The following SLC8A3 variants were observed in gnomAD, a reference collection of about 807,000 sequenced individuals.
SLC8A3 encodes sodium/calcium exchanger 3.
In SLC8A3, 37 loss-of-function variants were observed where a neutral mutation model predicts 65.4. The observed-to-expected ratio is 0.57, with a 90% confidence interval of 0.44 to 0.74. The LOEUF (loss-of-function observed/expected upper bound fraction) is 0.74, where lower values mean the gene tolerates loss of function less well. Ranked by LOEUF, SLC8A3 falls within the 30% of genes least tolerant of loss-of-function variation. The pLI is 0.00. For synonymous variants in SLC8A3, 461 were observed against 444.5 expected, an observed-to-expected ratio of 1.04 and a Z score of -0.47; for missense variants, 1,112 against 1,172.1, an observed-to-expected ratio of 0.95 and a Z score of 0.75.
In SLC8A3 at chr14:70,127,387, G is replaced by A. The variant is rs191846466; in HGVS notation, c.1784+39252C>T. ...CCGCCCAGGTAGACTTTTTGACCCC[G>A]CCCAGGCATCTTAGCGCTTTATTGA... On this transcript the variant is annotated intron_variant, in intron 2 of 6. Transcript: ENST00000356921. Among the ~76,000 whole-genome samples the A allele has an allele frequency of 1.6e-3, 246 of 152,172 alleles. 2 individuals are homozygous for A. The highest frequency in any genetic ancestry group is 0.01 in the Middle Eastern group (3 of 294).
At chr14:70,182,185 A>G (rs1238689705) in intron 1 of SLC8A3, among the ~76,000 whole-genome samples, 1 of 152,130 alleles carries the variant, frequency 6.6e-6, no homozygotes, top group African/African-American at 2.4e-5. Flanking sequence ...TGCCATCAAG[A>G]GAAAGTGGGA....
At chr14:70,189,181 C>T (rs1357807046), upstream of SLC8A3, 2 of 152,212 alleles carry the variant, frequency 1.3e-5, no homozygotes, top group African/African-American at 4.8e-5. Flanking sequence ...TCCCGCATCC[C>T]GCATCCAGAG....
intron 2 of SLC8A3, among the ~76,000 whole-genome samples, chr14:70,091,340 C>T (rs962094779): frequency 6.6e-6 from 1 of 152,144 alleles, no homozygotes; most frequent in Non-Finnish European, 1.5e-5. Flanking sequence ...AAAACAAACT[C>T]GGCTTTTAGC....
intron 2 of SLC8A3, among the ~76,000 whole-genome samples, chr14:70,091,825 C>T (rs560870255): frequency 6.6e-6 from 1 of 152,264 alleles, no homozygotes; most frequent in South Asian, 2.1e-4. Context: ...GATTATTTTG[C>T]TCATCTCACC....
intron 2 of SLC8A3, among the ~76,000 whole-genome samples, chr14:70,101,594 G>A (rs1892557844): frequency 6.6e-6 from 1 of 152,190 alleles, no homozygotes; most frequent in Non-Finnish European, 1.5e-5. Flanking sequence ...GGCAGGAAGT[G>A]ACATGCCCCA....
chr14:70,179,357 G>A (rs1882524497), intron 1 of SLC8A3, among the ~76,000 whole-genome samples: 1 of 152,168 alleles, frequency 6.6e-6, no homozygotes, highest in South Asian at 2.1e-4. Flanking sequence ...ATACTCCATA[G>A]TAGCAGGAAT....
chr14:70,061,741 T>A (rs1041461314), intron 2 of SLC8A3, among the ~76,000 whole-genome samples: 2 of 152,196 alleles, frequency 1.3e-5, no homozygotes, highest in African/African-American at 4.8e-5. Context: ...AAGAAAATGA[T>A]GTAAATCATC....
chr14:70,176,029 A>T (rs887585667), intron 1 of SLC8A3, among the ~76,000 whole-genome samples: 2 of 152,236 alleles, frequency 1.3e-5, no homozygotes, highest in Non-Finnish European at 2.9e-5. Flanking sequence ...AAAATGCATC[A>T]TCACACTCTG....
rs1364367668 is a variant in SLC8A3, at chr14:70,046,175, C to T, written c.2538G>A (p.Gln846=). 1 of 1,614,222 alleles carries T rather than the reference C, an allele frequency of 6.2e-7. No individual in the cohort carries two copies. The highest frequency in any genetic ancestry group is 1.7e-5 in the Admixed American group (1 of 60,036). Residue 846 remains glutamine, a synonymous_variant, in exon 7 of 7, where the codon CAG becomes CAA. Coordinates refer to ENST00000356921, the MANE Select transcript of SLC8A3 (RefSeq NM_182932.3). The surrounding 1 kb of genome is among the most constrained non-coding windows in gnomAD (Gnocchi z 4.2). The part of the protein sequence containing the change: ...VAAIYWALQG[Q]EFHVSAGTLA... ...GTGTGCCGGCCGACACGTGGAACTC[C>T]TGTCCCTGCAGAGCCCAGTAGATGG...
At chr14:70,081,982 C>T (rs1442541230) in intron 2 of SLC8A3, among the ~76,000 whole-genome samples, 1 of 152,202 alleles carries the variant, frequency 6.6e-6, no homozygotes, top group Non-Finnish European at 1.5e-5. Flanking sequence ...TATGGGCAAA[C>T]ACTGTGCTTT....
intron 2 of SLC8A3, among the ~76,000 whole-genome samples, chr14:70,061,793 T>A (rs894085344): frequency 6.6e-6 from 1 of 152,312 alleles, no homozygotes; most frequent in Non-Finnish European, 1.5e-5. Flanking sequence ...TTAGGGGTGA[T>A]GTGTTCCAAA....
At chr14:70,180,666 A>T (rs1594821886) in intron 1 of SLC8A3, among the ~76,000 whole-genome samples, 1 of 152,326 alleles carries the variant, frequency 6.6e-6, no homozygotes, top group East Asian at 1.9e-4. Context: ...CTAGACTCTC[A>T]ACAGAATCTA....
At chr14:70,055,349 C>T (rs1461063425) in intron 3 of SLC8A3, among the ~76,000 whole-genome samples, 2 of 152,158 alleles carry the variant, frequency 1.3e-5, no homozygotes, top group Admixed American at 6.5e-5. Context: ...CCTATTCTCA[C>T]AACAGGTTTG....
intron 2 of SLC8A3, among the ~76,000 whole-genome samples, chr14:70,122,791 G>C (rs1894165338): frequency 6.6e-6 from 1 of 152,132 alleles, no homozygotes. Context: ...TATTTTATGG[G>C]CCTGGCACGG....
intron 2 of SLC8A3, among the ~76,000 whole-genome samples, chr14:70,137,428 C>T (rs1408422467): frequency 6.6e-6 from 1 of 152,148 alleles, no homozygotes; most frequent in Non-Finnish European, 1.5e-5. Context: ...CAGGTGTGAG[C>T]CACCGTGCCA....
chr14:70,060,663 T>C, intron 3 of SLC8A3, 173 bp downstream of exon 3: 1 of 744,398 alleles, frequency 1.3e-6, no homozygotes, highest in Non-Finnish European at 2.5e-6. Flanking sequence ...AGAGCGAGAA[T>C]ACAGGAGGGA....
At chr14:70,097,919 GA>G (rs139145344) in intron 2 of SLC8A3, among the ~76,000 whole-genome samples, 2,281 of 152,222 alleles carry the variant, frequency 0.015, 56 homozygotes, top group African/African-American at 0.05. Context: ...TGCTTTCTCT[GA>G]CCCCCTAGAT....
intron 5 of SLC8A3, 55 bp from the exon 6 acceptor site, chr14:70,049,097 A>C: frequency 6.5e-7 from 1 of 1,536,512 alleles, no homozygotes; most frequent in Non-Finnish European, 8.8e-7. Context: ...ATAATCATTC[A>C]TGAGAAAGTC....
intron 2 of SLC8A3, among the ~76,000 whole-genome samples, chr14:70,064,983 G>A (rs1889255612): frequency 6.6e-6 from 1 of 152,022 alleles, no homozygotes; most frequent in Non-Finnish European, 1.5e-5. Flanking sequence ...TCTCCCGGTG[G>A]GTGTGAGACA....
Sources: gnomAD v4.1 joint callset for allele counts (sites outside exome capture counted in the v4.1 genomes callset) on GRCh38, gnomAD v4.1.1 for gene constraint, Gnocchi (gnomAD v3.1) non-coding constraint, MANE v1.5 for transcripts, NCBI Gene and HGNC (gene_info 2026-07-23, HGNC 2026-07-21) for gene names.